STK4: variants seen among roughly 807,000 people sequenced by gnomAD.
STK4 encodes serine/threonine kinase 4.
Under a neutral mutation model 64.9 loss-of-function variants are expected in STK4, and 30 were observed. The ratio of observed to expected loss-of-function variants is 0.46; its 90% confidence interval spans 0.35 to 0.63. The LOEUF (loss-of-function observed/expected upper bound fraction) is 0.63, where lower values mean the gene tolerates loss of function less well. Ranked by LOEUF, STK4 falls within the 20% of genes least tolerant of loss-of-function variation. The pLI is 0.01. For synonymous variants in STK4, 177 were observed against 199.0 expected (o/e 0.89, Z 0.93); for missense variants, 466 against 598.5 (o/e 0.78, Z 2.31).
At chr20:45,028,377 A>G (rs1265996139) in intron 10 of STK4, among the ~76,000 whole-genome samples, 6 of 148,674 alleles carry the variant, frequency 4.0e-5, no homozygotes, top group African/African-American at 1.5e-4. Context: ...CCCAGGCTGG[A>G]GTGCAGTGGT....
chr20:45,014,020 A>G (rs1015866488), intron 9 of STK4, among the ~76,000 whole-genome samples: 1 of 152,148 alleles, frequency 6.6e-6, no homozygotes, highest in African/African-American at 2.4e-5. Flanking sequence ...CTTAATATGC[A>G]GAAGAATAGT....
intron 5 of STK4, among the ~76,000 whole-genome samples, chr20:44,993,908 G>GGCGGAGGTTGCA (rs2067681174): frequency 6.6e-6 from 1 of 151,912 alleles, no homozygotes; most frequent in Admixed American, 6.6e-5. Flanking sequence ...GAACCCCAGG[G>GGCGGAGGTTGCA]GCGGAGGTTG....
chr20:44,995,306 A>T, intron 6 of STK4, 49 bp downstream of exon 6: 2 of 1,560,746 alleles, frequency 1.3e-6, no homozygotes, highest in Non-Finnish European at 1.7e-6. Flanking sequence ...ACTGATCATC[A>T]TTAAAAAGTG....
chr20:45,022,500 T>A (rs1015612798), intron 9 of STK4, among the ~76,000 whole-genome samples: 1 of 152,176 alleles, frequency 6.6e-6, no homozygotes, highest in African/African-American at 2.4e-5. Flanking sequence ...GGCAAGCAGA[T>A]GTTCTCACTT....
In STK4 at chr20:44,998,516, T is replaced by C. The variant is rs11905285; in HGVS notation, c.831+1210T>C. 5.8e-3 allele frequency among the ~76,000 whole-genome samples: 886 copies of C among 152,300 alleles called. 13 individuals are homozygous for C. Among genetic ancestry groups the C allele is most frequent in the African/African-American group, 0.02 (838 of 41,572 alleles). ...CAGTCATTTCAGACCCAGTGCCCCC[T>C]TTTTATAACCAATGTATATATTTAA... is the stretch of plus-strand genomic sequence containing the variant. On this transcript the variant is annotated intron_variant, in intron 7 of 10. Transcript: ENST00000372806.
At position 45,076,972 on chromosome 20, in the gene STK4, T is replaced by A. The variant is rs1980563159; in HGVS notation, c.*1796T>A. The A allele has an allele frequency of 6.6e-6, 1 of 152,228 alleles. No homozygotes were observed. The highest frequency in any genetic ancestry group is 2.4e-5 in the African/African-American group (1 of 41,456). 9.4% of individuals were successfully genotyped at this position (152,228 alleles called of 1,614,324 possible). A position where few individuals can be genotyped will look rare whatever the true frequency, so the allele number is the denominator to read the frequency against. On this transcript the variant is annotated 3_prime_UTR_variant, in exon 11 of 11. Coordinates refer to ENST00000372806, the MANE Select transcript of STK4 (RefSeq NM_006282.5). This position sits in a 1 kb window ranked among gnomAD's most constrained non-coding sequence, Gnocchi z 4.0. ...CAATTTGAGGATCTTGCTGGAATAA[T>A]AAATGACAGCTACCATTTGTTGAGC...
intron 9 of STK4, among the ~76,000 whole-genome samples, chr20:45,023,795 C>G (rs1252200449): frequency 2.0e-5 from 3 of 152,022 alleles, no homozygotes; most frequent in Non-Finnish European, 2.9e-5. Flanking sequence ...ATCTAAGTCC[C>G]CTTTTACCAG....
rs540964509 is a variant in STK4, at chr20:45,044,822, C to A, written c.1305+19692C>A. On this transcript the variant is annotated intron_variant, in intron 10 of 10. Transcript: ENST00000372806. ...TTTAGCTGGGACCTTGGGTGAGTCA[C>A]CCTCCTCTTTGAATTTTAGTTTGTG... Among the ~76,000 whole-genome samples, 13 of 152,228 alleles carry A rather than the reference C, an allele frequency of 8.5e-5. 2 individuals are homozygous for A. The highest frequency in any genetic ancestry group is 2.9e-4 in the African/African-American group (12 of 41,524).
At chr20:44,981,794 C>T (rs1191295477) in intron 3 of STK4, 35 bp from the exon 4 acceptor site, 2 of 1,290,598 alleles carry the variant, frequency 1.5e-6, no homozygotes, top group African/African-American at 1.5e-5. Context: ...ATTTGAAGGC[C>T]ATTTTATTAA....
intron 10 of STK4, among the ~76,000 whole-genome samples, chr20:45,068,104 C>A (rs1600572589): frequency 6.6e-6 from 1 of 152,226 alleles, no homozygotes; most frequent in African/African-American, 2.4e-5. Context: ...CCAAACCTCA[C>A]AACCGCTGTT....
At chr20:44,967,242 C>G (rs1568671837) in intron 1 of STK4, 1 of 985,062 alleles carries the variant, frequency 1.0e-6, no homozygotes. Context: ...TTCACATCCT[C>G]CTCAGCTCTT....
chr20:45,007,549 A>AAAAC (rs902424565), intron 9 of STK4, among the ~76,000 whole-genome samples: 1 of 152,042 alleles, frequency 6.6e-6, no homozygotes, highest in Admixed American at 6.5e-5. Context: ...TCCATCTCAA[A>AAAAC]AAACAAACAA....
At chr20:45,035,418 C>T (rs1027939993) in intron 10 of STK4, among the ~76,000 whole-genome samples, 1 of 152,146 alleles carries the variant, frequency 6.6e-6, no homozygotes, top group African/African-American at 2.4e-5. Flanking sequence ...AAGAGAACCA[C>T]AATACTTTTC....
At chr20:44,987,347 G>T (rs1431592953) in intron 5 of STK4, 51 bp downstream of exon 5, 5 of 1,524,466 alleles carry the variant, frequency 3.3e-6, no homozygotes, top group Non-Finnish European at 4.4e-6. Flanking sequence ...GTCCTGAGAA[G>T]CAGTTCCTTT....
intron 10 of STK4, among the ~76,000 whole-genome samples, chr20:45,042,687 T>C (rs1318739212): frequency 6.6e-6 from 1 of 152,190 alleles, no homozygotes; most frequent in South Asian, 2.1e-4. Context: ...GATGCTGATA[T>C]TACTGAGATT....
intron 9 of STK4, among the ~76,000 whole-genome samples, chr20:45,011,429 T>C (rs2068041300): frequency 6.6e-6 from 1 of 152,058 alleles, no homozygotes; most frequent in Admixed American, 6.6e-5. Context: ...GGGCAATGTC[T>C]TTATTTTATT....
At chr20:45,025,193 T>G (rs1253421196) in intron 10 of STK4, 63 bp downstream of exon 10, 3 of 1,535,814 alleles carry the variant, frequency 2.0e-6, no homozygotes, top group Middle Eastern at 1.7e-4. Context: ...TATCACACAT[T>G]AGTGCCCAAG....
chr20:45,075,472 A>C lies in STK4; in HGVS notation c.*296A>C, dbSNP rs1980441419. The C allele has an allele frequency of 4.4e-6, 1 of 225,612 alleles. No individual in the cohort carries two copies. The highest frequency in any genetic ancestry group is 8.8e-6 in the Non-Finnish European group (1 of 114,174). 14.0% of individuals were successfully genotyped at this position (225,612 alleles called of 1,614,324 possible). On this transcript the variant is annotated 3_prime_UTR_variant, in exon 11 of 11. Transcript: ENST00000372806. ...GTTGAGTGATAGCTGGGAAAGTTTT[A>C]CATTGTCTGTTTTTCTTCTCCCAAT...
At chr20:45,015,874 G>A (rs2068131926) in intron 9 of STK4, among the ~76,000 whole-genome samples, 1 of 152,180 alleles carries the variant, frequency 6.6e-6, no homozygotes, top group Non-Finnish European at 1.5e-5. Flanking sequence ...AGGTATTATA[G>A]TAAGTCTTTT....
Sources: gnomAD v4.1 joint callset for allele counts (sites outside exome capture counted in the v4.1 genomes callset) on GRCh38, gnomAD v4.1.1 for gene constraint, Gnocchi (gnomAD v3.1) non-coding constraint, MANE v1.5 for transcripts, NCBI Gene and HGNC (gene_info 2026-07-23, HGNC 2026-07-21) for gene names.